The following SPOCK3 variants were observed in gnomAD, a reference collection of about 807,000 sequenced individuals.
SPOCK3 encodes the protein SPARC (osteonectin), cwcv and kazal like domains proteoglycan 3.
Under a neutral mutation model 56.6 loss-of-function variants are expected in SPOCK3, and 30 were observed. The ratio of observed to expected loss-of-function variants is 0.53; its 90% CI spans 0.40 to 0.72. The LOEUF (loss-of-function observed/expected upper bound fraction) is 0.72. Ranked by LOEUF, SPOCK3 falls within the 30% of genes least tolerant of loss-of-function variation. The pLI is 0.00. For missense variants in SPOCK3, 527 were observed against 530.0 expected (o/e 0.99, Z 0.06); for synonymous variants, 196 against 183.3 (o/e 1.07, Z -0.56).
At chr4:166,872,087 T>TAA in intron 6 of SPOCK3, among the ~76,000 whole-genome samples, 1 of 150,422 alleles carries the variant, frequency 6.6e-6, no homozygotes, top group Non-Finnish European at 1.5e-5. Context: ...TATATATATA[T>TAA]AATCTTAAGT....
chr4:167,125,048 C>A (rs193072622), intron 2 of SPOCK3, among the ~76,000 whole-genome samples: 4 of 152,136 alleles, frequency 2.6e-5, no homozygotes, highest in Non-Finnish European at 5.9e-5. Flanking sequence ...TTAAAGTTTA[C>A]TTATCACTTA....
At chr4:167,136,266 AAGTGTGTGTG>A (rs1763110619) in intron 2 of SPOCK3, among the ~76,000 whole-genome samples, 1 of 151,720 alleles carries the variant, frequency 6.6e-6, no homozygotes, top group Non-Finnish European at 1.5e-5. Context: ...GAGGATACTT[AAGTGTGTGTG>A]AGTGTGTGTG....
chr4:167,017,877 TATTG>T (rs1490567231), intron 3 of SPOCK3, among the ~76,000 whole-genome samples: 2 of 152,086 alleles, frequency 1.3e-5, no homozygotes, highest in African/African-American at 2.4e-5. Context: ...TATTGGGTGA[TATTG>T]ATTAAAAACA....
At chr4:166,954,701 T>A (rs936847066) in intron 4 of SPOCK3, among the ~76,000 whole-genome samples, 1 of 152,224 alleles carries the variant, frequency 6.6e-6, no homozygotes, top group Admixed American at 6.5e-5. Context: ...TTAAAAGGTA[T>A]CCATTTTTAA....
At chr4:167,166,683 T>G (rs553241556) in intron 2 of SPOCK3, among the ~76,000 whole-genome samples, 6 of 152,240 alleles carry the variant, frequency 3.9e-5, no homozygotes, top group African/African-American at 9.6e-5. Flanking sequence ...TGTTGAAATG[T>G]GGCCCACCAA....
intron 2 of SPOCK3, among the ~76,000 whole-genome samples, chr4:167,064,942 C>G (rs2150251823): frequency 6.8e-6 from 1 of 146,152 alleles, no homozygotes; most frequent in East Asian, 2.0e-4. Flanking sequence ...CACGGACAAG[C>G]TGTCATTACT....
At chr4:166,949,912 C>T (rs1222073532) in intron 4 of SPOCK3, among the ~76,000 whole-genome samples, 1 of 151,212 alleles carries the variant, frequency 6.6e-6, no homozygotes, top group African/African-American at 2.5e-5. Context: ...ACCAGGCCTG[C>T]CCTAAAAGAG....
chr4:166,983,372 T>C (rs181075612), intron 4 of SPOCK3, among the ~76,000 whole-genome samples: 118 of 152,252 alleles, frequency 7.8e-4, no homozygotes, highest in African/African-American at 2.6e-3. Context: ...CACAGTTCTA[T>C]TCTCTTCTTC....
intron 6 of SPOCK3, among the ~76,000 whole-genome samples, chr4:166,821,049 T>G (rs186114446): frequency 6.6e-6 from 1 of 152,118 alleles, no homozygotes; most frequent in Non-Finnish European, 1.5e-5. Context: ...TTTCAAATGA[T>G]ATATCTGATA....
At position 167,000,655 on chromosome 4, in the gene SPOCK3, C is replaced by T. The variant is rs62352378; in HGVS notation, c.236-192G>A. Among the ~76,000 whole-genome samples, 972 of 152,280 alleles carry T rather than the reference C, an allele frequency of 6.4e-3. 4 individuals carry two copies. The highest frequency in any genetic ancestry group is 0.012 in the Non-Finnish European group (792 of 68,016). ...AGTTAACAGCTAGCTGTAGTTGTCT[C>T]ATCCACTCTATTCAGAAGCTAAGAT... On this transcript the variant is annotated intron_variant, in intron 3 of 10. Coordinates refer to ENST00000357545, the MANE Select transcript of SPOCK3 (RefSeq NM_001040159.2).
intron 2 of SPOCK3, among the ~76,000 whole-genome samples, chr4:167,204,652 C>G (rs1733849457): frequency 6.6e-6 from 1 of 151,832 alleles, no homozygotes; most frequent in Non-Finnish European, 1.5e-5. Context: ...GACACAGAGC[C>G]AGACCATGTC....
At chr4:167,183,256 A>T (rs1487351016) in intron 2 of SPOCK3, among the ~76,000 whole-genome samples, 1 of 152,198 alleles carries the variant, frequency 6.6e-6, no homozygotes, top group African/African-American at 2.4e-5. Context: ...AGGATAATAA[A>T]TGATCATTGT....
chr4:166,823,124 T>C (rs1745098478), intron 6 of SPOCK3, among the ~76,000 whole-genome samples: 1 of 152,078 alleles, frequency 6.6e-6, no homozygotes, highest in Non-Finnish European at 1.5e-5. Context: ...TCTTATTTTG[T>C]AACACATTTA....
At chr4:167,146,525 A>T (rs376385750) in intron 2 of SPOCK3, among the ~76,000 whole-genome samples, 241 of 152,262 alleles carry the variant, frequency 1.6e-3, no homozygotes, top group African/African-American at 5.5e-3. Flanking sequence ...TCAGCACCAC[A>T]TCGCACTTAT....
chr4:167,145,041 A>T (rs1763828664), intron 2 of SPOCK3, among the ~76,000 whole-genome samples: 1 of 152,072 alleles, frequency 6.6e-6, no homozygotes, highest in Admixed American at 6.6e-5. Flanking sequence ...GGGAGATATT[A>T]AATTAATCCC....
chr4:166,976,449 A>G (rs1333155498), intron 4 of SPOCK3, among the ~76,000 whole-genome samples: 3 of 152,138 alleles, frequency 2.0e-5, no homozygotes, highest in Non-Finnish European at 4.4e-5. Context: ...GCTTAAATGT[A>G]ACTAGGGGCT....
intron 2 of SPOCK3, among the ~76,000 whole-genome samples, chr4:167,202,160 G>A (rs961360912): frequency 2.6e-5 from 4 of 151,908 alleles, no homozygotes; most frequent in Non-Finnish European, 4.4e-5. Context: ...TTTGGATTAA[G>A]TGTTAAACTT....
chr4:167,120,810 T>C (rs1363870468), intron 2 of SPOCK3, among the ~76,000 whole-genome samples: 1 of 148,572 alleles, frequency 6.7e-6, no homozygotes, highest in Non-Finnish European at 1.5e-5. Context: ...AAATAAAAGA[T>C]TCATTTTAGA....
intron 4 of SPOCK3, among the ~76,000 whole-genome samples, chr4:166,926,712 T>C (rs915701892): frequency 3.9e-5 from 6 of 152,094 alleles, no homozygotes; most frequent in African/African-American, 1.4e-4. Flanking sequence ...CAGGAGAAAC[T>C]AGTAATAGGT....
Sources: allele counts gnomAD v4.1 joint callset (sites outside exome capture counted in the v4.1 genomes callset), GRCh38; gene constraint gnomAD v4.1.1; transcripts MANE v1.5; gene names NCBI Gene and HGNC (gene_info 2026-07-23, HGNC 2026-07-21).